SLC9A9: variants seen among roughly 807,000 people sequenced by gnomAD.
SLC9A9 encodes the protein sodium/hydrogen exchanger 9.
A neutral mutation model predicts 77.8 loss-of-function variants in SLC9A9; 62 were observed. That is an observed-to-expected ratio of 0.80 (90% confidence interval 0.65 to 0.98). The LOEUF is 0.98. SLC9A9 is among the 50% of genes least tolerant of loss of function. The pLI is 0.00. For synonymous variants in SLC9A9, 320 were observed against 283.5 expected, an observed-to-expected ratio of 1.13 and a Z score of -1.29; for missense variants, 775 against 774.9, an observed-to-expected ratio of 1.00 and a Z score of 0.00.
At chr3:143,601,504 G>A (rs1028030350) in intron 6 of SLC9A9, among the ~76,000 whole-genome samples, 3 of 152,172 alleles carry the variant, frequency 2.0e-5, no homozygotes, top group Non-Finnish European at 4.4e-5. Flanking sequence ...GTCAATGGGG[G>A]AGCCAGCGTT....
intron 9 of SLC9A9, among the ~76,000 whole-genome samples, chr3:143,549,105 T>C (rs566917297): frequency 2.0e-4 from 31 of 152,336 alleles, no homozygotes; most frequent in African/African-American, 6.7e-4. Context: ...TGTAACATCA[T>C]ATAATACTTC....
intron 2 of SLC9A9, among the ~76,000 whole-genome samples, chr3:143,807,288 A>C (rs545898058): frequency 6.6e-6 from 1 of 152,204 alleles, no homozygotes; most frequent in South Asian, 2.1e-4. Context: ...TAAATATAGG[A>C]TGAGCAGATC....
rs2031698169 is a variant in SLC9A9, at chr3:143,329,362, C to T, written c.1604+34122G>A. ...CAGAGTACTTAGTAGAACAACATGG[C>T]CAAAATGAAAAAATAAAGTTGTAGA... On this transcript the variant is annotated intron_variant, in intron 14 of 15. Transcript: ENST00000316549. Among the ~76,000 whole-genome samples, 5 of 152,158 alleles carry T rather than the reference C, an allele frequency of 3.3e-5. No individual in the cohort carries two copies. In the South Asian group the frequency reaches 8.3e-4, roughly 25 times the overall value.
At chr3:143,645,515 A>C (rs1268936381) in intron 6 of SLC9A9, among the ~76,000 whole-genome samples, 1 of 152,186 alleles carries the variant, frequency 6.6e-6, no homozygotes, top group Non-Finnish European at 1.5e-5. Flanking sequence ...ACTGATCCTC[A>C]GTACATTTCT....
chr3:143,504,665 AT>A (rs569265480), intron 9 of SLC9A9, among the ~76,000 whole-genome samples: 1 of 152,266 alleles, frequency 6.6e-6, no homozygotes, highest in South Asian at 2.1e-4. Context: ...TGAAATTCCT[AT>A]TTTTTTAGGA....
intron 4 of SLC9A9, among the ~76,000 whole-genome samples, chr3:143,731,609 A>G (rs1381901872): frequency 6.6e-6 from 1 of 152,152 alleles, no homozygotes; most frequent in Non-Finnish European, 1.5e-5. Context: ...CTTACTGTCA[A>G]TATGGTATTG....
chr3:143,821,232 T>C lies in SLC9A9; in HGVS notation c.378+10787A>G, dbSNP rs200921650. 2.0e-5 allele frequency among the ~76,000 whole-genome samples: 3 copies of C among 152,364 alleles called. No individual in the cohort carries two copies. In the East Asian group the frequency reaches 5.8e-4, roughly 29 times the overall value. On this transcript the variant is annotated intron_variant, in intron 2 of 15. Coordinates refer to ENST00000316549, the MANE Select transcript of SLC9A9 (RefSeq NM_173653.4). ...TCCATCACACGCTCCTCAGACTTCT[T>C]ACTCCAAGGGGAAATCCATGCCCAT...
At chr3:143,487,266 T>C (rs2035668532) in intron 11 of SLC9A9, among the ~76,000 whole-genome samples, 1 of 151,870 alleles carries the variant, frequency 6.6e-6, no homozygotes, top group Non-Finnish European at 1.5e-5. Flanking sequence ...CAGACCACCA[T>C]AACATATGAA....
chr3:143,608,073 G>A (rs193192704), intron 6 of SLC9A9, among the ~76,000 whole-genome samples: 1 of 152,228 alleles, frequency 6.6e-6, no homozygotes, highest in East Asian at 1.9e-4. Context: ...CAGTTAACAT[G>A]AATGAATTGT....
intron 4 of SLC9A9, among the ~76,000 whole-genome samples, chr3:143,765,013 CTCTTTCTCTT>C (rs1045465421): frequency 7.2e-6 from 1 of 139,522 alleles, no homozygotes; most frequent in African/African-American, 3.0e-5. Context: ...CTTTCTTTCT[CTCTTTCTCTT>C]TCTTTCTCTC....
At chr3:143,786,603 G>A (rs941692822) in intron 4 of SLC9A9, among the ~76,000 whole-genome samples, 1 of 152,176 alleles carries the variant, frequency 6.6e-6, no homozygotes, top group South Asian at 2.1e-4. Context: ...CCTCTCTGCT[G>A]CCAGAAATAC....
intron 12 of SLC9A9, among the ~76,000 whole-genome samples, chr3:143,457,928 G>A (rs1218969496): frequency 6.6e-6 from 1 of 152,116 alleles, no homozygotes; most frequent in Non-Finnish European, 1.5e-5. Flanking sequence ...TGGGTAGAGT[G>A]TTCTATAAAT....
chr3:143,287,327 C>T (rs1938407792), intron 14 of SLC9A9, among the ~76,000 whole-genome samples: 1 of 152,042 alleles, frequency 6.6e-6, no homozygotes, highest in Admixed American at 6.5e-5. Flanking sequence ...ATAAAGCAAA[C>T]TGATTTATTT....
rs187395337 is a variant in SLC9A9, at chr3:143,495,339, G to C, written c.1199C>G (p.Ala400Gly). Residue 400 changes from alanine (A) to glycine (G), a missense_variant, in exon 10 of 16, where the codon GCC becomes GGC. By Grantham distance (60) the Ala-to-Gly change is moderately conservative. Coordinates refer to ENST00000316549, the MANE Select transcript of SLC9A9 (RefSeq NM_173653.4). ...HIFNALFILGAFLAIFVARAC... is the reference protein window; with the variant it reads ...HIFNALFILGGFLAIFVARAC... ...GTTCTGTATTTCAAAGGATACAAAG[G>C]CTCCAAGTATAAAAAGAGCATTAAA... is the stretch of plus-strand genomic sequence containing the variant. 2.5e-4 allele frequency: 399 copies of C among 1,609,260 alleles called. No individual in the cohort carries two copies. The East Asian group carries it at 3.4e-3, about 14-fold the overall frequency.
chr3:143,291,350 G>A (rs2029956782), intron 14 of SLC9A9, among the ~76,000 whole-genome samples: 1 of 152,168 alleles, frequency 6.6e-6, no homozygotes. Context: ...GATGGTTCCT[G>A]CTGACTAAAA....
chr3:143,265,746 G>T lies in SLC9A9; in HGVS notation c.*956C>A. On this transcript the variant is annotated 3_prime_UTR_variant, in exon 16 of 16. Coordinates refer to ENST00000316549, the MANE Select transcript of SLC9A9 (RefSeq NM_173653.4). ...TCCTCAGTGTAACCCACACATCATT[G>T]GCTCTGTTCCTCTCGCCCTGCTCCT... The T allele has an allele frequency of 2.1e-6, 1 of 467,464 alleles. No homozygotes were observed. The highest frequency in any genetic ancestry group is 3.9e-5 in the Admixed American group (1 of 25,756). 29.0% of individuals were successfully genotyped at this position (467,464 alleles called of 1,614,324 possible).
chr3:143,670,545 G>A (rs1440391653), intron 5 of SLC9A9, among the ~76,000 whole-genome samples: 2 of 152,206 alleles, frequency 1.3e-5, no homozygotes, highest in African/African-American at 4.8e-5. Flanking sequence ...CTAATGTTCT[G>A]CAGGTGACGT....
chr3:143,399,961 A>G (rs554110463), intron 12 of SLC9A9, among the ~76,000 whole-genome samples: 2 of 152,320 alleles, frequency 1.3e-5, no homozygotes, highest in Admixed American at 6.5e-5. Flanking sequence ...ACACTCATAT[A>G]TATCTTTAAA....
At chr3:143,496,780 GC>G (rs1202811123) in intron 9 of SLC9A9, among the ~76,000 whole-genome samples, 1 of 152,202 alleles carries the variant, frequency 6.6e-6, no homozygotes, top group Non-Finnish European at 1.5e-5. Flanking sequence ...GTGAGATTTG[GC>G]TGTTGTCTTA....
Sources: allele counts gnomAD v4.1 joint callset (sites outside exome capture counted in the v4.1 genomes callset), GRCh38; gene constraint gnomAD v4.1.1; transcripts MANE v1.5; gene names NCBI Gene and HGNC (gene_info 2026-07-23, HGNC 2026-07-21).